The following DENND5A variants were observed in gnomAD, a reference collection of about 807,000 sequenced individuals.
DENND5A encodes the protein DENN domain-containing protein 5A.
DENND5A carries 64 observed loss-of-function variants against 140.3 expected under a neutral mutation model. That is an observed-to-expected ratio of 0.46 (90% confidence interval 0.37 to 0.56). The LOEUF (loss-of-function observed/expected upper bound fraction) is 0.56, where lower values mean the gene tolerates loss of function less well. DENND5A is among the 20% of genes least tolerant of loss of function. The probability of loss-of-function intolerance (pLI) is 0.00; values close to 1 mark genes in which losing one functional copy is unlikely to be tolerated. For synonymous variants in DENND5A, 605 were observed against 607.7 expected (o/e 1.00, Z 0.07); for missense variants, 1,292 against 1,593.8 (o/e 0.81, Z 3.22).
intron 1 of DENND5A, among the ~76,000 whole-genome samples, chr11:9,238,936 A>C (rs1401930200): frequency 2.0e-5 from 3 of 150,372 alleles, no homozygotes; most frequent in Non-Finnish European, 4.4e-5. Flanking sequence ...GGTTCAGACG[A>C]TCCTCCTGCC....
At chr11:9,252,348 GTGTT>G (rs1384180225) in intron 1 of DENND5A, among the ~76,000 whole-genome samples, 1 of 141,080 alleles carries the variant, frequency 7.1e-6, no homozygotes, top group Non-Finnish European at 1.5e-5. Flanking sequence ...GTAATAGCCT[GTGTT>G]TAATTACTGA....
At position 9,167,696 on chromosome 11, in the gene DENND5A, G is replaced by A. The variant is rs71476816; in HGVS notation, c.2152-1729C>T. 3.9e-5 allele frequency among the ~76,000 whole-genome samples: 6 copies of A among 152,146 alleles called. No homozygotes were observed. In the East Asian group the frequency reaches 1.2e-3, roughly 29 times the overall value. On this transcript the variant is annotated intron_variant, in intron 10 of 22. Coordinates refer to ENST00000328194, the MANE Select transcript of DENND5A (RefSeq NM_015213.4). ...CGTGTGCCTGTGGTCCCAGCTACTA[G>A]AGAGGCTGAGGTGGGAGGATCACCT...
chr11:9,260,826 G>T (rs911046309), intron 1 of DENND5A, among the ~76,000 whole-genome samples: 1 of 152,050 alleles, frequency 6.6e-6, no homozygotes, highest in Admixed American at 6.6e-5. Context: ...ATGCTTATTT[G>T]GGTTTTTTTA....
rs953331083 is a variant in DENND5A at position 9,244,873 on chromosome 11, C to T, written c.109+20088G>A. Among the ~76,000 whole-genome samples the T allele has an allele frequency of 3.9e-5, 6 of 152,114 alleles. No homozygotes were observed. The East Asian group carries it at 7.8e-4, about 20-fold the overall frequency. On this transcript the variant is annotated intron_variant, in intron 1 of 22. Transcript: ENST00000328194. Reference sequence around the variant, plus strand: ...ATCTTTATTCATAGAGACAGGGTTTCGCCGTGTTGCCGGGGCTGGTCTCGA... The same window carrying T: ...ATCTTTATTCATAGAGACAGGGTTTTGCCGTGTTGCCGGGGCTGGTCTCGA...
At chr11:9,206,810 T>G in intron 2 of DENND5A, 28 bp from the exon 3 acceptor site, 1 of 1,508,066 alleles carries the variant, frequency 6.6e-7, no homozygotes, top group Non-Finnish European at 9.2e-7. Context: ...AAGTAAATCA[T>G]TTCTACAAAA....
intron 1 of DENND5A, among the ~76,000 whole-genome samples, chr11:9,225,383 C>T (rs529504056): frequency 1.3e-5 from 2 of 152,294 alleles, no homozygotes; most frequent in South Asian, 2.1e-4. Context: ...CAGTATTCCC[C>T]GTTCTATCCA....
rs576288891 is a variant in DENND5A, at chr11:9,227,679, C to T, written c.110-20047G>A. On this transcript the variant is annotated intron_variant, in intron 1 of 22. Coordinates refer to ENST00000328194, the MANE Select transcript of DENND5A (RefSeq NM_015213.4). ...TCTCTGTGAAAAATGCATATTTGGG[C>T]CAGGTGCAGTGGCTCATGCCTGTAA... Among the ~76,000 whole-genome samples, 9 of 152,086 alleles carry T rather than the reference C, an allele frequency of 5.9e-5. No individual in the cohort carries two copies. The East Asian group carries it at 1.7e-3, about 29-fold the overall frequency.
chr11:9,155,139 A>G (rs1847762244), intron 12 of DENND5A, among the ~76,000 whole-genome samples: 1 of 151,158 alleles, frequency 6.6e-6, no homozygotes, highest in Non-Finnish European at 1.5e-5. Flanking sequence ...ACAGGGTGAG[A>G]CTCCATTTAA....
At chr11:9,145,920 G>T in intron 16 of DENND5A, 105 bp from the exon 17 acceptor site, 2 of 1,208,462 alleles carry the variant, frequency 1.7e-6, no homozygotes, top group Non-Finnish European at 2.4e-6. Context: ...TGTGGCTCCT[G>T]CTATCTCAGC....
intron 1 of DENND5A, among the ~76,000 whole-genome samples, chr11:9,215,550 C>CTT (rs10655528): frequency 0.35 from 49,384 of 140,346 alleles, 9,514 homozygotes; most frequent in African/African-American, 0.49. Flanking sequence ...ATCCTGTGTT[C>CTT]TTTTTTTTTT....
rs1230724183 is a variant in DENND5A, at chr11:9,265,142, C to T, written c.-73G>A. 2.2e-6 allele frequency: 2 copies of T among 891,548 alleles called. No homozygotes were observed. The highest frequency in any genetic ancestry group is 6.9e-5 in the East Asian group (1 of 14,514). 55.2% of individuals were successfully genotyped at this position (891,548 alleles called of 1,614,324 possible). A position where few individuals can be genotyped will look rare whatever the true frequency, so the allele number is the denominator to read the frequency against. The stretch of plus-strand genomic sequence containing the variant: ...CCCGCAACCCGGGCGCCCGCCCGTC[C>T]GCCCTCAGGCCGCCCCTCCCGCCGC... On this transcript the variant is annotated 5_prime_UTR_variant, in exon 1 of 23. Coordinates refer to ENST00000328194, the MANE Select transcript of DENND5A (RefSeq NM_015213.4). The surrounding 1 kb of genome is among the most constrained non-coding windows in gnomAD (Gnocchi z 4.7).
intron 11 of DENND5A, among the ~76,000 whole-genome samples, chr11:9,165,489 G>T (rs761596419): frequency 2.6e-5 from 4 of 152,006 alleles, no homozygotes; most frequent in Non-Finnish European, 4.4e-5. Context: ...GCCCAGGCAG[G>T]AGTGCAGTGG....
intron 1 of DENND5A, among the ~76,000 whole-genome samples, chr11:9,238,428 T>TC (rs1415715215): frequency 6.8e-6 from 1 of 147,756 alleles, no homozygotes; most frequent in Non-Finnish European, 1.5e-5. Context: ...TTAAATTACT[T>TC]TTTTTTTTTT....
intron 12 of DENND5A, among the ~76,000 whole-genome samples, chr11:9,157,138 G>C (rs953099145): frequency 6.6e-6 from 1 of 152,126 alleles, no homozygotes; most frequent in Non-Finnish European, 1.5e-5. Context: ...TATAGTGCCA[G>C]GCTTGCTAAA....
chr11:9,180,752 A>C lies in DENND5A; in HGVS notation c.1455+15T>G, dbSNP rs1473536146. On this transcript the variant is annotated intron_variant, in intron 6 of 22. Coordinates refer to ENST00000328194, the MANE Select transcript of DENND5A (RefSeq NM_015213.4). Reference sequence around the variant, plus strand: ...CACAGATCACACGTGTCACAGACTCATATACACATCTTACCTTTTCCAGGC... The same window carrying C: ...CACAGATCACACGTGTCACAGACTCCTATACACATCTTACCTTTTCCAGGC... 1 of 1,611,266 alleles carries C rather than the reference A, an allele frequency of 6.2e-7. No homozygotes were observed. Among genetic ancestry groups the C allele is most frequent in the South Asian group, 1.1e-5 (1 of 90,572 alleles).
intron 1 of DENND5A, among the ~76,000 whole-genome samples, chr11:9,263,220 CCAGA>C (rs905986060): frequency 8.6e-5 from 13 of 151,154 alleles, no homozygotes; most frequent in Non-Finnish European, 1.0e-4. Context: ...TTCTTTTTTC[CCAGA>C]CAGAGTCTCG....
intron 10 of DENND5A, 111 bp from the exon 11 acceptor site, chr11:9,166,078 T>A (rs1564891470): frequency 9.6e-7 from 1 of 1,041,568 alleles, no homozygotes; most frequent in Non-Finnish European, 1.4e-6. Flanking sequence ...TTTCTTTTTT[T>A]TTCTTTTTCT....
chr11:9,233,899 T>C (rs1850882509), intron 1 of DENND5A, among the ~76,000 whole-genome samples: 1 of 152,132 alleles, frequency 6.6e-6, no homozygotes, highest in African/African-American at 2.4e-5. Flanking sequence ...TAATATAGGC[T>C]GGGTGCAGTG....
chr11:9,262,809 T>C lies in DENND5A; in HGVS notation c.109+2152A>G, dbSNP rs555525754. Among the ~76,000 whole-genome samples the C allele has an allele frequency of 8.5e-5, 13 of 152,238 alleles. No homozygotes were observed. The South Asian group carries it at 1.0e-3, about 12-fold the overall frequency. ...AGTGCTGGAGTGCAGTGGCGCGATCTGGGCTCACTGCGAGCTCCGCCTCCC... is the reference window on the plus strand; with the variant it reads ...AGTGCTGGAGTGCAGTGGCGCGATCCGGGCTCACTGCGAGCTCCGCCTCCC... On this transcript the variant is annotated intron_variant, in intron 1 of 22. Coordinates refer to ENST00000328194, the MANE Select transcript of DENND5A (RefSeq NM_015213.4).
Sources: gnomAD v4.1 joint callset for allele counts (sites outside exome capture counted in the v4.1 genomes callset) on GRCh38, gnomAD v4.1.1 for gene constraint, Gnocchi (gnomAD v3.1) non-coding constraint, MANE v1.5 for transcripts, NCBI Gene and HGNC (gene_info 2026-07-23, HGNC 2026-07-21) for gene names.